GABRG3: variants seen among roughly 807,000 people sequenced by gnomAD.
The protein encoded by GABRG3 is gamma-aminobutyric acid type A receptor subunit gamma3.
Under a neutral mutation model 48.8 loss-of-function variants are expected in GABRG3, and 25 were observed. The ratio of observed to expected loss-of-function variants is 0.51; its 90% CI spans 0.37 to 0.72. The LOEUF is 0.72. GABRG3 is among the 30% of genes least tolerant of loss of function. The pLI is 0.00. For synonymous variants in GABRG3, 227 were observed against 217.6 expected, an observed-to-expected ratio of 1.04 and a Z score of -0.38; for missense variants, 394 against 577.9, an observed-to-expected ratio of 0.68 and a Z score of 3.26.
chr15:27,493,460 AT>A (rs1336954659), intron 6 of GABRG3, among the ~76,000 whole-genome samples: 3 of 152,344 alleles, frequency 2.0e-5, no homozygotes, highest in Non-Finnish European at 4.4e-5. Context: ...TTTGATAACA[AT>A]TTTGTACGAT....
intron 3 of GABRG3, among the ~76,000 whole-genome samples, chr15:27,032,268 G>A (rs893347429): frequency 6.6e-6 from 1 of 152,090 alleles, no homozygotes; most frequent in African/African-American, 2.4e-5. Flanking sequence ...TCTCCATCTT[G>A]CAATCTGTTT....
intron 5 of GABRG3, among the ~76,000 whole-genome samples, chr15:27,378,130 G>A (rs1703153051): frequency 6.6e-6 from 1 of 152,028 alleles, no homozygotes; most frequent in African/African-American, 2.4e-5. Context: ...AAACATTTTA[G>A]CTGATGTCAT....
chr15:27,535,811 C>G lies in GABRG3; in HGVS notation c.*2930C>G, dbSNP rs1891534672. On this transcript the variant is annotated 3_prime_UTR_variant, in exon 10 of 10. Coordinates refer to ENST00000615808, the MANE Select transcript of GABRG3 (RefSeq NM_033223.5). Reference sequence around the variant, plus strand: ...GGATTTTTAATCATGTACATGTTTACTTTCTAGAGGAAGGAGAGGAGCAGT... The same window carrying G: ...GGATTTTTAATCATGTACATGTTTAGTTTCTAGAGGAAGGAGAGGAGCAGT... 6.6e-6 allele frequency: 1 copy of G among 152,200 alleles called. No homozygotes were observed. The highest frequency in any genetic ancestry group is 2.4e-5 in the African/African-American group (1 of 41,418). The allele number at this position is 152,200 out of a possible 1,614,324, so 9.4% of individuals were successfully genotyped here.
chr15:26,985,586 C>T (rs913149395), intron 2 of GABRG3, among the ~76,000 whole-genome samples: 1 of 152,096 alleles, frequency 6.6e-6, no homozygotes, highest in Non-Finnish European at 1.5e-5. Flanking sequence ...TGAGGGAGCA[C>T]TGGTCACAGA....
At chr15:27,078,294 T>C (rs1479523368) in intron 3 of GABRG3, among the ~76,000 whole-genome samples, 3 of 152,212 alleles carry the variant, frequency 2.0e-5, no homozygotes, top group Non-Finnish European at 4.4e-5. Flanking sequence ...GCCAGATTTA[T>C]AATTGTGTGA....
intron 5 of GABRG3, among the ~76,000 whole-genome samples, chr15:27,448,791 G>C (rs1438006986): frequency 6.6e-6 from 1 of 152,004 alleles, no homozygotes; most frequent in Non-Finnish European, 1.5e-5. Flanking sequence ...GTACATGTGT[G>C]CATGTGTGCA....
intron 3 of GABRG3, among the ~76,000 whole-genome samples, chr15:27,062,265 A>G (rs59332133): frequency 0.026 from 4,021 of 151,862 alleles, 70 homozygotes; most frequent in Middle Eastern, 0.051. Context: ...GCAGGTGGGC[A>G]TGTGGGTGCT....
intron 5 of GABRG3, among the ~76,000 whole-genome samples, chr15:27,399,289 A>G (rs1480212813): frequency 5.9e-5 from 9 of 152,222 alleles, no homozygotes; most frequent in Admixed American, 5.9e-4. Flanking sequence ...AAATGGAAAA[A>G]TAAATGGATG....
At chr15:27,066,089 T>G (rs1447479844) in intron 3 of GABRG3, among the ~76,000 whole-genome samples, 1 of 152,236 alleles carries the variant, frequency 6.6e-6, no homozygotes, top group South Asian at 2.1e-4. Flanking sequence ...ATTGGCTGTT[T>G]GCAATGATTA....
chr15:27,309,371 AT>A (rs1168766242), intron 3 of GABRG3, among the ~76,000 whole-genome samples: 1 of 151,882 alleles, frequency 6.6e-6, no homozygotes, highest in East Asian at 1.9e-4. Flanking sequence ...TTTTGTAGAT[AT>A]GGGTAAGGTA....
At chr15:27,313,260 GTGTATATATATATATATA>G (rs1466442166) in intron 3 of GABRG3, among the ~76,000 whole-genome samples, 39 of 49,560 alleles carry the variant, frequency 7.9e-4, no homozygotes, top group African/African-American at 1.9e-3. Flanking sequence ...GTGTGTGTGT[GTGTATATATATATATATA>G]TATATATATA....
At chr15:27,527,825 C>A (rs1312503061) in intron 8 of GABRG3, 108 bp from the exon 9 acceptor site, 2 of 995,386 alleles carry the variant, frequency 2.0e-6, no homozygotes, top group Non-Finnish European at 3.0e-6. Context: ...TGTCACCTAC[C>A]GGTGACGTGG....
intron 5 of GABRG3, among the ~76,000 whole-genome samples, chr15:27,335,466 T>C (rs1352464686): frequency 6.6e-6 from 1 of 152,236 alleles, no homozygotes; most frequent in Admixed American, 6.5e-5. Context: ...CTCATTATGA[T>C]TTTGATTTGC....
Position 27,055,465 on chromosome 15 carries a change from G to T in GABRG3, c.270+28644G>T, listed in dbSNP as rs201059628. 3.3e-5 allele frequency among the ~76,000 whole-genome samples: 5 copies of T among 152,244 alleles called. No homozygotes were observed. The East Asian group carries it at 9.7e-4, about 29-fold the overall frequency. ...AATCTGAAAATCGGAAATCCAGAAG[G>T]CTCCAAAATCCAAAGCTTTGTGAGC... On this transcript the variant is annotated intron_variant, in intron 3 of 9. Coordinates refer to ENST00000615808, the MANE Select transcript of GABRG3 (RefSeq NM_033223.5).
intron 3 of GABRG3, among the ~76,000 whole-genome samples, chr15:27,057,385 C>T (rs1896568466): frequency 6.6e-6 from 1 of 152,196 alleles, no homozygotes; most frequent in African/African-American, 2.4e-5. Flanking sequence ...TACAGGAAGG[C>T]ATCAACACTT....
intron 3 of GABRG3, among the ~76,000 whole-genome samples, chr15:27,177,051 C>T (rs999142356): frequency 6.6e-6 from 1 of 151,958 alleles, no homozygotes; most frequent in African/African-American, 2.4e-5. Flanking sequence ...AATCATTCTC[C>T]CCGAGAACTC....
intron 3 of GABRG3, among the ~76,000 whole-genome samples, chr15:27,306,862 A>G (rs1892531186): frequency 2.1e-5 from 2 of 95,738 alleles, no homozygotes; most frequent in African/African-American, 4.6e-5. Flanking sequence ...AACATACAAT[A>G]TAAACATGTT....
In GABRG3 at chr15:27,457,750, C is replaced by T. The variant is rs1411377715; in HGVS notation, c.575-22900C>T. 3.3e-5 allele frequency among the ~76,000 whole-genome samples: 5 copies of T among 152,268 alleles called. No individual in the cohort carries two copies. Among genetic ancestry groups the T allele is most frequent in the East Asian group, 1.9e-4 (1 of 5,174 alleles). ...CCGTGTTTTCTGGCCAGTGGTATAACGAGTACCCACTGCTTTTTCTGCCTG... is the reference window on the plus strand; with the variant it reads ...CCGTGTTTTCTGGCCAGTGGTATAATGAGTACCCACTGCTTTTTCTGCCTG... On this transcript the variant is annotated intron_variant, in intron 5 of 9. Coordinates refer to ENST00000615808, the MANE Select transcript of GABRG3 (RefSeq NM_033223.5). This position sits in a 1 kb window ranked among gnomAD's most constrained non-coding sequence, Gnocchi z 4.4.
At chr15:27,051,532 C>A (rs1049361661) in intron 3 of GABRG3, among the ~76,000 whole-genome samples, 1 of 152,150 alleles carries the variant, frequency 6.6e-6, no homozygotes, top group Non-Finnish European at 1.5e-5. Context: ...GGAGGCCCCA[C>A]ACATGGGATT....
Sources: allele counts gnomAD v4.1 joint callset (sites outside exome capture counted in the v4.1 genomes callset), GRCh38; gene constraint gnomAD v4.1.1; non-coding constraint Gnocchi (gnomAD v3.1); transcripts MANE v1.5; gene names NCBI Gene and HGNC (gene_info 2026-07-23, HGNC 2026-07-21).